The following VTI1A variants were observed in gnomAD, a reference collection of about 807,000 sequenced individuals.
VTI1A encodes the protein vesicle transport through interaction with t-SNAREs 1A.
A neutral mutation model predicts 34.9 loss-of-function variants in VTI1A; 22 were observed. That is an observed-to-expected ratio of 0.63 (90% CI 0.45 to 0.90). The LOEUF (loss-of-function observed/expected upper bound fraction) is 0.90. Among genes scored for constraint, VTI1A ranks in the 40% least tolerant of loss-of-function variants. VTI1A has a pLI of 0.00. For missense variants in VTI1A, 268 were observed against 275.6 expected (o/e 0.97, Z 0.20); for synonymous variants, 87 against 97.3 (o/e 0.89, Z 0.62).
intron 7 of VTI1A, among the ~76,000 whole-genome samples, chr10:112,693,164 T>A (rs1848663347): frequency 6.6e-6 from 1 of 152,176 alleles, no homozygotes; most frequent in Admixed American, 6.6e-5. Flanking sequence ...TCTTAAAACT[T>A]TTTTCTTAAG....
At chr10:112,546,153 A>ATG (rs1366878713) in intron 5 of VTI1A, among the ~76,000 whole-genome samples, 2 of 151,234 alleles carry the variant, frequency 1.3e-5, no homozygotes, top group East Asian at 2.0e-4. Context: ...GTGCGTATAT[A>ATG]TGTGTGTATA....
chr10:112,645,515 A>G (rs1846738467), intron 5 of VTI1A, among the ~76,000 whole-genome samples: 1 of 152,200 alleles, frequency 6.6e-6, no homozygotes, highest in African/African-American at 2.4e-5. Context: ...TCATTGAAGA[A>G]GGCGTCCACA....
At chr10:112,727,316 A>G (rs1850068237) in intron 7 of VTI1A, among the ~76,000 whole-genome samples, 1 of 152,198 alleles carries the variant, frequency 6.6e-6, no homozygotes, top group African/African-American at 2.4e-5. Context: ...AAGTATACCT[A>G]GAACAAGGCA....
At chr10:112,493,004 T>C (rs1848887693) in intron 3 of VTI1A, among the ~76,000 whole-genome samples, 1 of 152,214 alleles carries the variant, frequency 6.6e-6, no homozygotes, top group African/African-American at 2.4e-5. Context: ...TCCTGCTTCC[T>C]CTTTCCATAG....
At chr10:112,482,554 A>G (rs188183837) in intron 3 of VTI1A, among the ~76,000 whole-genome samples, 3 of 152,162 alleles carry the variant, frequency 2.0e-5, no homozygotes, top group Non-Finnish European at 4.4e-5. Context: ...AAAATATACC[A>G]TATTTTGGCA....
intron 7 of VTI1A, among the ~76,000 whole-genome samples, chr10:112,766,145 G>C (rs1351574492): frequency 6.6e-6 from 1 of 152,190 alleles, no homozygotes; most frequent in African/African-American, 2.4e-5. Flanking sequence ...AGTAGCACGT[G>C]CTAAGGAATG....
chr10:112,847,967 G>A, the VTI1A span, among the ~76,000 whole-genome samples: 10 of 152,094 alleles, frequency 6.6e-5, no homozygotes, highest in Admixed American at 1.3e-4. Context: ...CAGATAGAGC[G>A]GAAGAACCAC....
chr10:112,538,216 G>A (rs767266395), intron 4 of VTI1A, 30 bp from the exon 5 acceptor site: 2 of 1,588,668 alleles, frequency 1.3e-6, no homozygotes, highest in South Asian at 1.1e-5. Flanking sequence ...ACGGCCGTCT[G>A]ATTTTTTTTT....
At chr10:112,498,623 GA>G in intron 3 of VTI1A, among the ~76,000 whole-genome samples, 1 of 152,026 alleles carries the variant, frequency 6.6e-6, no homozygotes, top group South Asian at 2.1e-4. Context: ...AGACAGAAAA[GA>G]AAAAAATAAA....
intron 3 of VTI1A, among the ~76,000 whole-genome samples, chr10:112,474,258 G>A (rs1848202525): frequency 6.6e-6 from 1 of 151,880 alleles, no homozygotes; most frequent in African/African-American, 2.4e-5. Flanking sequence ...GTAGAGACGA[G>A]GTTTCACTGT....
At chr10:112,624,565 C>A (rs1033721312) in intron 5 of VTI1A, among the ~76,000 whole-genome samples, 7 of 151,432 alleles carry the variant, frequency 4.6e-5, no homozygotes, top group Admixed American at 3.9e-4. Context: ...AAAAAAAGTT[C>A]TTATTAGGAT....
chr10:112,547,546 C>G (rs1179257253), intron 5 of VTI1A, among the ~76,000 whole-genome samples: 1 of 152,076 alleles, frequency 6.6e-6, no homozygotes, highest in Non-Finnish European at 1.5e-5. Flanking sequence ...CCACTGCACT[C>G]CAGCCTGGGC....
chr10:112,618,541 A>AGAGAGAGAGAGG (rs1473232674), intron 5 of VTI1A, among the ~76,000 whole-genome samples: 1 of 142,346 alleles, frequency 7.0e-6, no homozygotes, highest in Non-Finnish European at 1.5e-5. Context: ...AGAGAGAGAG[A>AGAGAGAGAGAGG]GAGAGAGTAA....
intron 3 of VTI1A, among the ~76,000 whole-genome samples, chr10:112,492,173 C>G (rs1848847927): frequency 6.6e-6 from 1 of 152,188 alleles, no homozygotes; most frequent in Non-Finnish European, 1.5e-5. Context: ...CCAATCTCCC[C>G]TTTTCCACCC....
intron 7 of VTI1A, among the ~76,000 whole-genome samples, chr10:112,713,202 A>G (rs1222920294): frequency 2.0e-5 from 3 of 152,154 alleles, no homozygotes; most frequent in Non-Finnish European, 2.9e-5. Context: ...ACCACGATGC[A>G]TGCACCAGCC....
At chr10:112,591,726 A>G (rs1480210460) in intron 5 of VTI1A, among the ~76,000 whole-genome samples, 1 of 152,166 alleles carries the variant, frequency 6.6e-6, no homozygotes, top group African/African-American at 2.4e-5. Flanking sequence ...CATCCTGCAG[A>G]TTACCTGACT....
intron 3 of VTI1A, among the ~76,000 whole-genome samples, chr10:112,490,209 A>G (rs898122618): frequency 1.3e-5 from 2 of 152,188 alleles, no homozygotes; most frequent in African/African-American, 4.8e-5. Flanking sequence ...TTTAAAATAA[A>G]TGTATTTCTG....
At position 112,815,833 on chromosome 10, in the gene VTI1A, A is replaced by G. The variant is rs1270690737; in HGVS notation, c.*450A>G. 1 of 253,276 alleles carries G rather than the reference A, an allele frequency of 3.9e-6. No individual in the cohort carries two copies. Among genetic ancestry groups the G allele is most frequent in the African/African-American group, 2.2e-5 (1 of 45,700 alleles). The allele number at this position is 253,276 out of a possible 1,614,324, so 15.7% of individuals were successfully genotyped here. On this transcript the variant is annotated 3_prime_UTR_variant, in exon 8 of 8. Transcript: ENST00000393077. The stretch of plus-strand genomic sequence containing the variant: ...GCAGCAAAAAGCAGGGGATGGAGTC[A>G]GTGACCCCGTCCAGCAAGCCAGCCC...
At chr10:112,504,802 G>C (rs888139495) in intron 3 of VTI1A, among the ~76,000 whole-genome samples, 2 of 152,114 alleles carry the variant, frequency 1.3e-5, no homozygotes. Context: ...ATAAAATGAA[G>C]TATCAAACTT....
Sources: allele counts gnomAD v4.1 joint callset (sites outside exome capture counted in the v4.1 genomes callset), GRCh38; gene constraint gnomAD v4.1.1; transcripts MANE v1.5; gene names NCBI Gene and HGNC (gene_info 2026-07-23, HGNC 2026-07-21).